ARHGAP9: variants seen among roughly 807,000 people sequenced by gnomAD.
ARHGAP9 encodes rho GTPase-activating protein 9.
Under a neutral mutation model 87.3 loss-of-function variants are expected in ARHGAP9, and 76 were observed. That is an observed-to-expected ratio of 0.87 (90% CI 0.72 to 1.05). The LOEUF (loss-of-function observed/expected upper bound fraction) is 1.05. ARHGAP9 is among the 50% of genes least tolerant of loss of function. The pLI, the probability that ARHGAP9 is intolerant of heterozygous loss-of-function variation, is 0.00. For missense variants in ARHGAP9, 941 were observed against 960.5 expected (o/e 0.98, Z 0.27); for synonymous variants, 382 against 394.9 (o/e 0.97, Z 0.39).
In ARHGAP9 at chr12:57,476,413, C is replaced by A. The variant is rs756465444; in HGVS notation, c.1067G>T (p.Ser356Ile). The change falls in exon 8 of 18, where the codon AGC (serine) becomes ATC (isoleucine). Residue 356 changes from serine to isoleucine, a missense_variant. Ser to Ile is a moderately radical substitution (Grantham distance 142). Coordinates refer to ENST00000393791, the MANE Select transcript of ARHGAP9 (RefSeq NM_032496.4). ...GPSWVVLTGN[S>I]LVFYREPPPT... ...CGGTGGCTCTCGGTAGAACACCAGG[C>A]TGTTACCCGTTAACACCACCCAAGA... 2.4e-5 allele frequency: 38 copies of A among 1,614,018 alleles called. No individual in the cohort carries two copies. Among genetic ancestry groups the A allele is most frequent in the Middle Eastern group, 3.3e-4 (2 of 6,084 alleles).
intron 1 of ARHGAP9, chr12:57,487,851 A>T: frequency 6.7e-5 from 1 of 14,954 alleles, no homozygotes; most frequent in African/African-American, 1.2e-4. Flanking sequence ...GCCCTCTCAC[A>T]AAAAAAAAAA....
Position 57,472,436 on chromosome 12 carries a change from A to G in ARHGAP9, c.*81T>C. 2 of 1,474,630 alleles carry G rather than the reference A, an allele frequency of 1.4e-6. No homozygotes were observed. The highest frequency in any genetic ancestry group is 2.7e-5 in the South Asian group (2 of 74,334). The allele number at this position is 1,474,630 out of a possible 1,614,324, so 91.3% of individuals were successfully genotyped here. Reference sequence around the variant, plus strand: ...AGAGACAGTCATTTGGGAGATTTAAAGGGATATCCTCAAAACAGAACACCA... The same window carrying G: ...AGAGACAGTCATTTGGGAGATTTAAGGGGATATCCTCAAAACAGAACACCA... On this transcript the variant is annotated 3_prime_UTR_variant, in exon 18 of 18. Transcript: ENST00000393791.
intron 15 of ARHGAP9, 41 bp downstream of exon 15, chr12:57,474,382 G>A (rs776672741): frequency 8.1e-6 from 13 of 1,610,826 alleles, no homozygotes; most frequent in Non-Finnish European, 9.3e-6. Flanking sequence ...AAGAGGATAT[G>A]TGGAAGTTTT....
intron 1 of ARHGAP9, chr12:57,488,529 T>C: frequency 6.6e-7 from 1 of 1,524,710 alleles, no homozygotes; most frequent in Non-Finnish European, 8.9e-7. Context: ...GTTACTAGCA[T>C]GACAGCCCCC....
At chr12:57,480,795 C>G, upstream of ARHGAP9, 1 of 1,550,578 alleles carries the variant, frequency 6.4e-7, no homozygotes, top group Non-Finnish European at 8.7e-7. Context: ...CTCCTCTTTT[C>G]CTCTTCTCTC....
rs1873701122 is a variant in ARHGAP9 at position 57,476,416 on chromosome 12, T to TAGAA, written c.1063_1064insTTCT (p.Asn355IlefsTer24). 6.2e-7 allele frequency: 1 copy of TAGAA among 1,613,958 alleles called. No homozygotes were observed. The highest frequency in any genetic ancestry group is 8.5e-7 in the Non-Finnish European group (1 of 1,180,010). On this transcript the variant is annotated frameshift_variant, in exon 8 of 18. Coordinates refer to ENST00000393791, the MANE Select transcript of ARHGAP9 (RefSeq NM_032496.4). LOFTEE classifies it high-confidence loss of function. ...TGGCTCTCGGTAGAACACCAGGCTGTTACCCGTTAACACCACCCAAGACGG... is the reference window on the plus strand; with the variant it reads ...TGGCTCTCGGTAGAACACCAGGCTGTAGAATACCCGTTAACACCACCCAAGACGG...
chr12:57,480,166 A>T, upstream of ARHGAP9: 2 of 938,812 alleles, frequency 2.1e-6, no homozygotes, highest in Non-Finnish European at 2.5e-6. Flanking sequence ...GAGCTACTTT[A>T]GTGTGTGGGT....
At chr12:57,482,109 A>G (rs1456878350), upstream of ARHGAP9, among the ~76,000 whole-genome samples, 6 of 152,184 alleles carry the variant, frequency 3.9e-5, no homozygotes, top group East Asian at 9.6e-4. Flanking sequence ...TTAGTTTAAT[A>G]TGAAATCAAT....
At chr12:57,485,655 C>T (rs886546076) in intron 1 of ARHGAP9, among the ~76,000 whole-genome samples, 3 of 151,750 alleles carry the variant, frequency 2.0e-5, no homozygotes, top group Admixed American at 6.6e-5. Context: ...ACAGGGATTA[C>T]AGGCATAAGT....
At chr12:57,477,829 C>T (rs1474472766) in intron 3 of ARHGAP9, 149 bp from the exon 4 acceptor site, 1 of 1,485,274 alleles carries the variant, frequency 6.7e-7, no homozygotes, top group Non-Finnish European at 8.9e-7. Flanking sequence ...GGGGAGAAAC[C>T]TCAGGCCCCA....
rs770332225 is a variant in ARHGAP9, at chr12:57,476,130, G to T, written c.1153C>A (p.Leu385Met). ...CCGTGCGCCAGGGCCGCCCCGCGCA[G>T]GTCCACGCTACTTTCGGGCCGGCTA... ...AGSRPESSVD[L>M]RGAALAHGRH... The change falls in exon 9 of 18, where the codon CTG (leucine) becomes ATG (methionine). Residue 385 changes from leucine (L) to methionine (M), a missense_variant. Coordinates refer to ENST00000393791, the MANE Select transcript of ARHGAP9 (RefSeq NM_032496.4). 1.9e-6 allele frequency: 3 copies of T among 1,543,460 alleles called. No homozygotes were observed. The highest frequency in any genetic ancestry group is 1.7e-4 in the Middle Eastern group (1 of 5,964).
Position 57,479,263 on chromosome 12 carries a change from C to T in ARHGAP9, c.144G>A (p.Gly48=). ...TCTTTCGAAGCAGTAGGAACCTATC[C>T]CCTTCAGCCAGAGACACCTGCTGGC... The part of the protein sequence containing the change: ...ADGQQVSLAE[G]DRFLLLRKTN... Residue 48 remains glycine, a synonymous_variant, in exon 2 of 18, where the codon GGG becomes GGA. Coordinates refer to ENST00000393791, the MANE Select transcript of ARHGAP9 (RefSeq NM_032496.4). 1 of 1,614,212 alleles carries T rather than the reference C, an allele frequency of 6.2e-7. No individual in the cohort carries two copies. Among genetic ancestry groups the T allele is most frequent in the Admixed American group, 1.7e-5 (1 of 60,022 alleles).
intron 6 of ARHGAP9, 97 bp downstream of exon 6, chr12:57,476,774 G>T: frequency 6.7e-7 from 1 of 1,485,092 alleles, no homozygotes; most frequent in Non-Finnish European, 9.4e-7. Context: ...CTGGGTAGGA[G>T]GATATTCAGA....
chr12:57,476,639 A>G lies in ARHGAP9; in HGVS notation c.976T>C (p.Ser326Pro). 6.2e-7 allele frequency: 1 copy of G among 1,613,610 alleles called. No homozygotes were observed. The highest frequency in any genetic ancestry group is 8.5e-7 in the Non-Finnish European group (1 of 1,179,846). Residue 326 changes from serine to proline, a missense_variant, in exon 7 of 18, where the codon TCG becomes CCG. Physicochemically the swap from Ser to Pro is moderately conservative, Grantham distance 74 (BLOSUM62 -1). Transcript: ENST00000393791. ...ATCTTGGTCATGTTGAGCAGACCCGACTTTTCCACCTCCTGGGAAGTGGAG... is the reference window on the plus strand; with the variant it reads ...ATCTTGGTCATGTTGAGCAGACCCGGCTTTTCCACCTCCTGGGAAGTGGAG... Reference protein sequence around the residue: ...LLDDPHEVEKSGLLNMTKIAQ... With the variant: ...LLDDPHEVEKPGLLNMTKIAQ...
At chr12:57,475,752 G>A in intron 10 of ARHGAP9, 81 bp downstream of exon 10, 6 of 1,562,438 alleles carry the variant, frequency 3.8e-6, no homozygotes, top group Non-Finnish European at 5.2e-6. Context: ...GCCCCCAACT[G>A]CTCCTGACTC....
Position 57,475,389 on chromosome 12 carries a change from G to A in ARHGAP9, c.1454C>T (p.Pro485Leu). ...CACGCGGTTCTGCTCGGTGCCTTCG[G>A]GCCCCCGAACTGCAGGAGGCAGGTA... ...LSSRRSSIRG[P>L]EGTEQNRVRN... The change falls in exon 12 of 18, where the codon CCC becomes CTC. Residue 485 changes from proline to leucine, a missense_variant. Coordinates refer to ENST00000393791, the MANE Select transcript of ARHGAP9 (RefSeq NM_032496.4). 6.3e-7 allele frequency: 1 copy of A among 1,594,996 alleles called. No individual in the cohort carries two copies. The highest frequency in any genetic ancestry group is 1.8e-4 in the Middle Eastern group (1 of 5,646).
chr12:57,478,001 C>T, intron 3 of ARHGAP9: 1 of 1,163,762 alleles, frequency 8.6e-7, no homozygotes, highest in Non-Finnish European at 1.1e-6. Flanking sequence ...GGTGCCCCAC[C>T]CTCACATCCT....
chr12:57,482,191 T>A (rs1228789779), upstream of ARHGAP9, among the ~76,000 whole-genome samples: 1 of 152,054 alleles, frequency 6.6e-6, no homozygotes, highest in African/African-American at 2.4e-5. Context: ...GAATATCACT[T>A]GAGCCTAGGA....
intron 3 of ARHGAP9, 155 bp from the exon 4 acceptor site, chr12:57,477,835 C>T (rs554146743): frequency 1.4e-6 from 2 of 1,464,616 alleles, no homozygotes; most frequent in Admixed American, 2.6e-5. Context: ...AAACCTCAGG[C>T]CCCAGCTGCT....
Sources: gnomAD v4.1 joint callset for allele counts (sites outside exome capture counted in the v4.1 genomes callset) on GRCh38, gnomAD v4.1.1 for gene constraint, MANE v1.5 for transcripts, NCBI Gene and HGNC (gene_info 2026-07-23, HGNC 2026-07-21) for gene names.